Variants in TMC1 observed in about 807,000 individuals in gnomAD.
TMC1 encodes transmembrane channel like 1.
TMC1 carries 84 observed loss-of-function variants against 105.8 expected under a neutral mutation model. That is an observed-to-expected ratio of 0.79 (90% CI 0.67 to 0.95). The LOEUF is 0.95. Among genes scored for constraint, TMC1 ranks in the 40% least tolerant of loss-of-function variants. TMC1 has a pLI of 0.00. For missense variants in TMC1, 817 were observed against 914.1 expected, an observed-to-expected ratio of 0.89 and a Z score of 1.37; for synonymous variants, 315 against 311.5, an observed-to-expected ratio of 1.01 and a Z score of -0.12.
chr9:72,830,540 A>G lies in TMC1; in HGVS notation c.2208+11A>G, dbSNP rs1829023253. The G allele has an allele frequency of 1.9e-6, 3 of 1,609,934 alleles. No individual in the cohort carries two copies. In the Admixed American group the frequency reaches 5.0e-5, roughly 27 times the overall value. ...AAGAAGATGAAAATGGTATGATACA[A>G]TTTATTTCATAGAAATATTATCTTT... On this transcript the variant is annotated intron_variant, in intron 22 of 23. Transcript: ENST00000297784.
chr9:72,795,142 G>A (rs1828341366), intron 17 of TMC1, among the ~76,000 whole-genome samples: 1 of 152,190 alleles, frequency 6.6e-6, no homozygotes, highest in Non-Finnish European at 1.5e-5. Context: ...AAATGCCAAA[G>A]CTATGAATCA....
chr9:72,584,524 C>T (rs1187876451), intron 2 of TMC1, among the ~76,000 whole-genome samples: 3 of 151,924 alleles, frequency 2.0e-5, no homozygotes, highest in Non-Finnish European at 4.4e-5. Context: ...ACCTTGGCCT[C>T]CCAAGGTGTT....
chr9:72,635,678 A>T (rs567725416), intron 4 of TMC1, among the ~76,000 whole-genome samples: 1 of 152,212 alleles, frequency 6.6e-6, no homozygotes, highest in East Asian at 1.9e-4. Context: ...AGCAGTGGGA[A>T]TAGGAGTTTA....
chr9:72,552,815 C>G (rs182788191), intron 1 of TMC1, among the ~76,000 whole-genome samples: 7 of 152,106 alleles, frequency 4.6e-5, no homozygotes, highest in African/African-American at 1.7e-4. Context: ...AATGGCTGAT[C>G]TATTTATCAT....
intron 9 of TMC1, chr9:72,741,418 G>T (rs1455164638): frequency 1.1e-5 from 5 of 437,522 alleles, no homozygotes; most frequent in Non-Finnish European, 2.2e-5. Flanking sequence ...ACAAGATGAA[G>T]AGTAGACTCC....
At chr9:72,805,177 G>A (rs1352811844) in intron 17 of TMC1, 2 of 429,644 alleles carry the variant, frequency 4.7e-6, no homozygotes, top group Non-Finnish European at 8.1e-6. Flanking sequence ...TTTTGATTTA[G>A]TAAACGGGAA....
chr9:72,792,081 G>C lies in TMC1; in HGVS notation c.1404+16G>C. 1 of 1,613,842 alleles carries C rather than the reference G, an allele frequency of 6.2e-7. No homozygotes were observed. ...TAACAACAAGGTAAGCCTTGTTTCTGGATTGTCCTTGCCATAAGAGTGTTG... is the reference window on the plus strand; with the variant it reads ...TAACAACAAGGTAAGCCTTGTTTCTCGATTGTCCTTGCCATAAGAGTGTTG... On this transcript the variant is annotated intron_variant, in intron 16 of 23. Transcript: ENST00000297784.
chr9:72,644,848 T>C (rs535851447), intron 4 of TMC1, among the ~76,000 whole-genome samples: 1 of 152,182 alleles, frequency 6.6e-6, no homozygotes, highest in Non-Finnish European at 1.5e-5. Flanking sequence ...TGTTATAATA[T>C]GTGTGAACAG....
intron 1 of TMC1, among the ~76,000 whole-genome samples, chr9:72,569,739 G>C (rs906528442): frequency 6.6e-6 from 1 of 152,178 alleles, no homozygotes; most frequent in Non-Finnish European, 1.5e-5. Flanking sequence ...AACCTGGGAA[G>C]CCAGGCTAAA....
At chr9:72,534,317 G>A (rs1823543641) in intron 1 of TMC1, among the ~76,000 whole-genome samples, 1 of 152,016 alleles carries the variant, frequency 6.6e-6, no homozygotes, top group African/African-American at 2.4e-5. Context: ...TGTGGGGTAG[G>A]GCCATGAAAC....
intron 17 of TMC1, among the ~76,000 whole-genome samples, chr9:72,800,138 C>T (rs922013438): frequency 1.2e-4 from 18 of 152,130 alleles, no homozygotes; most frequent in African/African-American, 4.1e-4. Context: ...ACATTTATGG[C>T]AATTTGTTAC....
intron 8 of TMC1, among the ~76,000 whole-genome samples, chr9:72,706,023 C>T (rs1419249825): frequency 6.6e-6 from 1 of 152,216 alleles, no homozygotes; most frequent in African/African-American, 2.4e-5. Flanking sequence ...TTCCTCCTTA[C>T]TCAATCTCCC....
chr9:72,695,460 C>G (rs1198848507), intron 7 of TMC1, among the ~76,000 whole-genome samples: 1 of 152,108 alleles, frequency 6.6e-6, no homozygotes, highest in African/African-American at 2.4e-5. Context: ...TAAAACACCT[C>G]TAATTAAAGA....
At chr9:72,539,406 A>AAAAAC (rs543472205) in intron 1 of TMC1, among the ~76,000 whole-genome samples, 16 of 152,050 alleles carry the variant, frequency 1.1e-4, no homozygotes, top group Admixed American at 9.2e-4. Flanking sequence ...ATCCTGTCTC[A>AAAAAC]AAAACAAAAC....
intron 19 of TMC1, chr9:72,818,730 A>G (rs756608876): frequency 6.6e-6 from 1 of 152,222 alleles, no homozygotes; most frequent in African/African-American, 2.4e-5. Context: ...TTACTGACAG[A>G]TGATGGGATC....
At chr9:72,707,773 A>G (rs975245050) in intron 8 of TMC1, among the ~76,000 whole-genome samples, 1 of 151,710 alleles carries the variant, frequency 6.6e-6, no homozygotes, top group African/African-American at 2.4e-5. Context: ...ATTAAGTCCC[A>G]CTTATTTATC....
chr9:72,772,617 A>T, intron 13 of TMC1, 62 bp downstream of exon 13: 1 of 1,601,314 alleles, frequency 6.2e-7, no homozygotes, highest in Non-Finnish European at 8.6e-7. Context: ...GGAGGGATTA[A>T]TTTGGGGATT....
rs779930014 is a variant in TMC1 at position 72,594,250 on chromosome 9, C to G, written c.-306+16227C>G. 3.9e-4 allele frequency among the ~76,000 whole-genome samples: 60 copies of G among 152,040 alleles called. 1 individual carries two copies. The highest frequency in any genetic ancestry group is 6.9e-4 in the Non-Finnish European group (47 of 68,008). Reference sequence around the variant, plus strand: ...CTCTAATACCTTTTAGACAGAGAAACCATAAATTCATGAAGAGCTGACAAG... The same window carrying G: ...CTCTAATACCTTTTAGACAGAGAAAGCATAAATTCATGAAGAGCTGACAAG... On this transcript the variant is annotated intron_variant, in intron 2 of 23. Transcript: ENST00000297784.
At chr9:72,828,759 C>T (rs1168022181) in intron 21 of TMC1, among the ~76,000 whole-genome samples, 1 of 152,162 alleles carries the variant, frequency 6.6e-6, no homozygotes, top group Non-Finnish European at 1.5e-5. Flanking sequence ...TCACTTGCAG[C>T]ACCAAACAGG....
Sources: gnomAD v4.1 joint callset for allele counts (sites outside exome capture counted in the v4.1 genomes callset) on GRCh38, gnomAD v4.1.1 for gene constraint, MANE v1.5 for transcripts, NCBI Gene and HGNC (gene_info 2026-07-23, HGNC 2026-07-21) for gene names.